SLC28A1: variants seen among roughly 807,000 people sequenced by gnomAD.
SLC28A1 encodes the protein sodium/nucleoside cotransporter 1.
SLC28A1 carries 64 observed loss-of-function variants against 74.8 expected under a neutral mutation model. That is an observed-to-expected ratio of 0.86 (90% confidence interval 0.70 to 1.05). SLC28A1 has a LOEUF of 1.05. Among genes scored for constraint, SLC28A1 ranks in the 50% least tolerant of loss-of-function variants. The pLI is 0.00. For synonymous variants in SLC28A1, 359 were observed against 335.0 expected (o/e 1.07, Z -0.78); for missense variants, 828 against 822.8 (o/e 1.01, Z -0.08).
intron 5 of SLC28A1, among the ~76,000 whole-genome samples, chr15:84,890,958 G>A (rs568335090): frequency 3.3e-5 from 5 of 152,226 alleles, no homozygotes; most frequent in Non-Finnish European, 5.9e-5. Flanking sequence ...TGTGGGTTTC[G>A]ATAAAGTTCG....
At chr15:84,971,180 T>C in the SLC28A1 span, among the ~76,000 whole-genome samples, 1 of 152,136 alleles carries the variant, frequency 6.6e-6, no homozygotes, top group East Asian at 1.9e-4. Context: ...GCCAGGAAAA[T>C]GGAAACCACA....
At chr15:84,973,839 C>G in the SLC28A1 span, among the ~76,000 whole-genome samples, 1 of 152,200 alleles carries the variant, frequency 6.6e-6, no homozygotes, top group Admixed American at 6.5e-5. Flanking sequence ...AGAGATTCAT[C>G]TGCGACCCTG....
At chr15:84,955,010 C>T in the SLC28A1 span, among the ~76,000 whole-genome samples, 1 of 152,198 alleles carries the variant, frequency 6.6e-6, no homozygotes, top group Non-Finnish European at 1.5e-5. Flanking sequence ...CTCTGACCCA[C>T]CACAAAGAAA....
chr15:84,888,829 AG>A lies in SLC28A1; in HGVS notation c.155del (p.Ser52ThrfsTer18). The A allele has an allele frequency of 6.4e-7, 1 of 1,554,166 alleles. No homozygotes were observed. Among genetic ancestry groups the A allele is most frequent in the Middle Eastern group, 1.7e-4 (1 of 5,940 alleles). Reference protein sequence around the residue: ...LSPAEIRSSWSEAAPKPFSRW... With the variant: ...LSPAEIRSSWXEAAPKPFSRW... ...CCCCGCAGAGATCAGGAGCAGCTGG[AG>A]CGAGGCGGCGCCGAAGCCCTTCTCC... is the stretch of plus-strand genomic sequence containing the variant. On this transcript the variant is annotated frameshift_variant, in exon 4 of 19. Coordinates refer to ENST00000394573, the MANE Select transcript of SLC28A1 (RefSeq NM_004213.5). LOFTEE classifies it high-confidence loss of function.
chr15:84,961,238 G>A, the SLC28A1 span, among the ~76,000 whole-genome samples: 1 of 152,110 alleles, frequency 6.6e-6, no homozygotes, highest in African/African-American at 2.4e-5. Context: ...ACTCAGAAAG[G>A]GGCTTCTCTT....
chr15:84,929,700 A>G (rs1453070556), intron 12 of SLC28A1, among the ~76,000 whole-genome samples: 1 of 152,184 alleles, frequency 6.6e-6, no homozygotes, highest in Admixed American at 6.5e-5. Flanking sequence ...CAAAAAATTT[A>G]AAAAATAAAA....
At chr15:84,896,670 G>A (rs1024060939) in intron 6 of SLC28A1, among the ~76,000 whole-genome samples, 3 of 152,088 alleles carry the variant, frequency 2.0e-5, no homozygotes, top group Non-Finnish European at 4.4e-5. Flanking sequence ...AAATTAGCCA[G>A]GCATGGTGTT....
At chr15:84,901,712 A>T (rs1217074004) in intron 6 of SLC28A1, among the ~76,000 whole-genome samples, 2 of 152,248 alleles carry the variant, frequency 1.3e-5, no homozygotes. Context: ...GACTAACCAT[A>T]TCAAGTGTTG....
At chr15:84,906,575 TTCCTTCCTTCC>T (rs1567140815) in intron 8 of SLC28A1, among the ~76,000 whole-genome samples, 2 of 39,514 alleles carry the variant, frequency 5.1e-5, no homozygotes, top group Admixed American at 2.3e-4. Flanking sequence ...TCTTTCTTTC[TTCCTTCCTTCC>T]TTCCTTCCTT....
At chr15:84,944,069 T>G (rs1210191197) in intron 16 of SLC28A1, among the ~76,000 whole-genome samples, 2 of 152,192 alleles carry the variant, frequency 1.3e-5, no homozygotes, top group Non-Finnish European at 2.9e-5. Context: ...CCCCAAGGCT[T>G]TGGCCTGCCT....
chr15:84,956,942 T>A, the SLC28A1 span, among the ~76,000 whole-genome samples: 1 of 152,176 alleles, frequency 6.6e-6, no homozygotes. Context: ...GTAGGATGCA[T>A]CTCCATATCA....
chr15:84,894,945 T>C lies in SLC28A1; in HGVS notation c.283T>C (p.Ser95Pro). The change falls in exon 6 of 19, where the codon TCT becomes CCT. Residue 95 changes from serine (S) to proline (P), a missense_variant. By Grantham distance (74) the Ser-to-Pro change is moderately conservative. Around this residue, in one of 3 missense-constraint regions of SLC28A1, gnomAD observed 767 missense variants for 753.5 expected, o/e 1.02. Coordinates refer to ENST00000394573, the MANE Select transcript of SLC28A1 (RefSeq NM_004213.5). The part of the protein sequence containing the change: ...IGTGLLCTGL[S>P]AFLLVACLLD... ...TCCTCTGTCTCATCCCCCAGGGCTC[T>C]CTGCCTTCCTGCTGGTGGCCTGCCT... 6.2e-7 allele frequency: 1 copy of C among 1,614,116 alleles called. No individual in the cohort carries two copies. Among genetic ancestry groups the C allele is most frequent in the Non-Finnish European group, 8.5e-7 (1 of 1,180,022 alleles).
intron 9 of SLC28A1, among the ~76,000 whole-genome samples, chr15:84,913,909 G>A (rs184552587): frequency 3.5e-4 from 54 of 152,226 alleles, no homozygotes; most frequent in African/African-American, 1.2e-3. Context: ...GTCCTCACAT[G>A]GTAAAAGAGG....
chr15:84,909,151 C>T (rs1421803358), intron 9 of SLC28A1, among the ~76,000 whole-genome samples: 1 of 152,098 alleles, frequency 6.6e-6, no homozygotes, highest in Non-Finnish European at 1.5e-5. Flanking sequence ...CCCTGATGTG[C>T]TGCAGAGACT....
chr15:84,928,541 T>TCTTC (rs1434102660), intron 12 of SLC28A1, among the ~76,000 whole-genome samples: 1 of 18,104 alleles, frequency 5.5e-5, no homozygotes, highest in African/African-American at 4.8e-4. Flanking sequence ...TTTCTTTCTT[T>TCTTC]CTTTCTTTCT....
chr15:84,922,588 C>T (rs150355628), intron 11 of SLC28A1, among the ~76,000 whole-genome samples: 83 of 152,308 alleles, frequency 5.4e-4, no homozygotes, highest in African/African-American at 1.8e-3. Context: ...TCTTCCTTCC[C>T]GTACTATCCG....
intron 2 of SLC28A1, among the ~76,000 whole-genome samples, chr15:84,887,153 C>A (rs1318314883): frequency 6.6e-6 from 1 of 152,178 alleles, no homozygotes; most frequent in South Asian, 2.1e-4. Flanking sequence ...GGATGTTGCA[C>A]CTCCATCTTT....
At chr15:84,895,394 A>T in intron 6 of SLC28A1, 1 of 1,614,038 alleles carries the variant, frequency 6.2e-7, no homozygotes, top group Non-Finnish European at 8.5e-7. Context: ...CAGGCCATGG[A>T]GCAAGGAGGG....
chr15:84,885,202 G>A (rs1305662826), intron 1 of SLC28A1, among the ~76,000 whole-genome samples: 1 of 150,294 alleles, frequency 6.7e-6, no homozygotes, highest in African/African-American at 2.4e-5. Flanking sequence ...CAAGTGATCT[G>A]CCCACCTTGG....
Sources: gnomAD v4.1 joint callset for allele counts (sites outside exome capture counted in the v4.1 genomes callset) on GRCh38, gnomAD v4.1.1 for gene constraint, gnomAD v4.1.1 regional missense constraint, MANE v1.5 for transcripts, NCBI Gene and HGNC (gene_info 2026-07-23, HGNC 2026-07-21) for gene names.